Variants in ANKRD62 observed in about 807,000 individuals in gnomAD.
ANKRD62 encodes the protein ankyrin repeat domain 62.
A neutral mutation model predicts 98.8 loss-of-function variants in ANKRD62; 61 were observed. That is an observed-to-expected ratio of 0.62 (90% CI 0.50 to 0.76). The LOEUF is 0.76. Among genes scored for constraint, ANKRD62 ranks in the 30% least tolerant of loss-of-function variants. ANKRD62 has a pLI of 0.00. For missense variants in ANKRD62, 933 were observed against 1,082.9 expected (o/e 0.86, Z 1.94); for synonymous variants, 341 against 367.9 (o/e 0.93, Z 0.84).
chr18:12,173,008 T>C, the ANKRD62 span, among the ~76,000 whole-genome samples: 132,681 of 152,254 alleles, frequency 0.87, 58,039 homozygotes, highest in Middle Eastern at 0.98. Flanking sequence ...CCATCTGTCA[T>C]GGCTTCCCTT....
At position 12,095,693 on chromosome 18, in the gene ANKRD62, C is replaced by T. The variant is rs139621149; in HGVS notation, c.507+83C>T. ...CATATGATTTTTTTTAGTAAAACAT[C>T]TGAAACTAGAAGGAAATATATTACG... is the stretch of plus-strand genomic sequence containing the variant. On this transcript the variant is annotated intron_variant, in intron 3 of 13. Transcript: ENST00000587848. The T allele has an allele frequency of 6.5e-5, 80 of 1,221,594 alleles. No individual in the cohort carries two copies. The South Asian group carries it at 1.2e-3, about 18-fold the overall frequency. 75.7% of individuals were successfully genotyped at this position (1,221,594 alleles called of 1,614,324 possible).
At chr18:12,102,955 G>C (rs1408746408) in intron 6 of ANKRD62, among the ~76,000 whole-genome samples, 3 of 152,228 alleles carry the variant, frequency 2.0e-5, no homozygotes, top group South Asian at 4.1e-4. Context: ...GTGACATCTG[G>C]TGTCTTGCCA....
the ANKRD62 span, among the ~76,000 whole-genome samples, chr18:12,169,047 G>T: frequency 1.3e-5 from 2 of 152,142 alleles, no homozygotes; most frequent in South Asian, 4.1e-4. Context: ...AGACGACGAG[G>T]TTTTCTAAGT....
At chr18:12,123,536 GT>G (rs1256084185) in intron 11 of ANKRD62, among the ~76,000 whole-genome samples, 2 of 152,136 alleles carry the variant, frequency 1.3e-5, no homozygotes, top group Non-Finnish European at 2.9e-5. Context: ...TTTTAAAATT[GT>G]TTGTAAAATA....
intron 7 of ANKRD62, among the ~76,000 whole-genome samples, chr18:12,106,824 A>G (rs57060681): frequency 0.03 from 4,535 of 152,252 alleles, 130 homozygotes; most frequent in African/African-American, 0.067. Flanking sequence ...AGACAGTGGG[A>G]AAAGAAAGCT....
At chr18:12,130,798 T>A (rs1409428573), downstream of ANKRD62, among the ~76,000 whole-genome samples, 1 of 151,906 alleles carries the variant, frequency 6.6e-6, no homozygotes, top group Non-Finnish European at 1.5e-5. Flanking sequence ...GTTCAGGCAA[T>A]CCCCTGCCCC....
chr18:12,153,347 T>C, the ANKRD62 span, among the ~76,000 whole-genome samples: 1 of 151,986 alleles, frequency 6.6e-6, no homozygotes, highest in East Asian at 1.9e-4. Flanking sequence ...TCCCAGCACT[T>C]TGGGAGGCCA....
chr18:12,112,466 C>CAAAA (rs1909564310), intron 8 of ANKRD62, among the ~76,000 whole-genome samples: 1 of 152,074 alleles, frequency 6.6e-6, no homozygotes, highest in African/African-American at 2.4e-5. Flanking sequence ...GCAACAAGGA[C>CAAAA]AGGACCGTAT....
chr18:12,127,425 CTGCAGTGTAAAAT>C (rs1156844725), intron 13 of ANKRD62, among the ~76,000 whole-genome samples: 1 of 152,224 alleles, frequency 6.6e-6, no homozygotes, highest in Admixed American at 6.5e-5. Flanking sequence ...ACGGAAAACA[CTGCAGTGTAAAAT>C]TCACTGCCAC....
intron 10 of ANKRD62, among the ~76,000 whole-genome samples, chr18:12,121,848 G>A (rs576428357): frequency 6.6e-6 from 1 of 152,278 alleles, no homozygotes; most frequent in African/African-American, 2.4e-5. Flanking sequence ...ATCAGCACCC[G>A]TTGCTCCCTC....
chr18:12,126,858 T>C (rs1158373451), intron 13 of ANKRD62, among the ~76,000 whole-genome samples: 2 of 152,208 alleles, frequency 1.3e-5, no homozygotes, highest in African/African-American at 2.4e-5. Context: ...TCAATAGCTT[T>C]TAATGTATCT....
the ANKRD62 span, among the ~76,000 whole-genome samples, chr18:12,173,532 G>A: frequency 0.023 from 3,533 of 152,270 alleles, 76 homozygotes; most frequent in Non-Finnish European, 0.03. Flanking sequence ...TAATCCTGTC[G>A]TCATGATGTT....
chr18:12,119,265 C>G (rs1355063798), intron 10 of ANKRD62, among the ~76,000 whole-genome samples: 2 of 150,654 alleles, frequency 1.3e-5, no homozygotes, highest in African/African-American at 4.9e-5. Context: ...TGTATTTTCT[C>G]TTCTTCTTGA....
chr18:12,157,590 G>A, the ANKRD62 span, among the ~76,000 whole-genome samples: 4 of 152,190 alleles, frequency 2.6e-5, no homozygotes, highest in Admixed American at 6.5e-5. Context: ...TTTCTCATCC[G>A]TGAATTATCT....
chr18:12,107,026 A>G (rs539188037), intron 7 of ANKRD62, among the ~76,000 whole-genome samples: 3 of 152,288 alleles, frequency 2.0e-5, no homozygotes, highest in African/African-American at 7.2e-5. Context: ...TTAGACAGCA[A>G]TGGGAATAAA....
chr18:12,176,141 G>A, the ANKRD62 span, among the ~76,000 whole-genome samples: 2 of 151,842 alleles, frequency 1.3e-5, no homozygotes, highest in African/African-American at 2.4e-5. Context: ...GCAGTGAGCT[G>A]AGACTGTGCT....
chr18:12,122,352 A>G lies in ANKRD62; in HGVS notation c.1290A>G (p.Arg430=), dbSNP rs755530880. 1.1e-4 allele frequency: 163 copies of G among 1,535,576 alleles called. No homozygotes were observed. The highest frequency in any genetic ancestry group is 1.4e-4 in the Non-Finnish European group (158 of 1,146,736). ...KSKNATAACG[R]SIEDQKCYCE... The stretch of plus-strand genomic sequence containing the variant: ...AGAATGCAACAGCTGCATGTGGAAG[A>G]TCAATAGAGGATCAAAAATGTTACT... Residue 430 remains arginine (R), a synonymous_variant, in exon 11 of 14, where the codon AGA becomes AGG. Coordinates refer to ENST00000587848, the MANE Select transcript of ANKRD62 (RefSeq NM_001277333.2).
At chr18:12,135,225 A>G in the ANKRD62 span, among the ~76,000 whole-genome samples, 1 of 117,348 alleles carries the variant, frequency 8.5e-6, no homozygotes, top group Admixed American at 1.2e-4. Flanking sequence ...CCAGAGTGTG[A>G]TGTTCCCCTT....
the ANKRD62 span, among the ~76,000 whole-genome samples, chr18:12,157,529 T>C: frequency 6.6e-6 from 1 of 152,232 alleles, no homozygotes; most frequent in Non-Finnish European, 1.5e-5. Context: ...TAACATAATA[T>C]GATGTAATAT....
Sources: allele counts gnomAD v4.1 joint callset (sites outside exome capture counted in the v4.1 genomes callset), GRCh38; gene constraint gnomAD v4.1.1; transcripts MANE v1.5; gene names NCBI Gene and HGNC (gene_info 2026-07-23, HGNC 2026-07-21).